The following MDGA2 variants were observed in gnomAD, a reference collection of about 807,000 sequenced individuals.
MDGA2 encodes MAM domain containing glycosylphosphatidylinositol anchor 2.
In MDGA2, 40 loss-of-function variants were observed where a neutral mutation model predicts 117.8. That is an observed-to-expected ratio of 0.34 (90% confidence interval 0.26 to 0.44). MDGA2 has a LOEUF of 0.44. Ranked by LOEUF, MDGA2 falls within the 20% of genes least tolerant of loss-of-function variation. The pLI, the probability that MDGA2 is intolerant of heterozygous loss-of-function variation, is 1.00. For missense variants in MDGA2, 1,123 were observed against 1,250.6 expected (o/e 0.90, Z 1.54); for synonymous variants, 452 against 439.0 (o/e 1.03, Z -0.37).
At chr14:47,041,315 T>C (rs1889059554) in intron 7 of MDGA2, among the ~76,000 whole-genome samples, 2 of 152,104 alleles carry the variant, frequency 1.3e-5, no homozygotes, top group African/African-American at 4.8e-5. Flanking sequence ...AATTTAATTT[T>C]ATCATTTGGT....
intron 1 of MDGA2, among the ~76,000 whole-genome samples, chr14:47,601,478 A>T (rs1896647144): frequency 6.6e-6 from 1 of 152,184 alleles, no homozygotes; most frequent in Non-Finnish European, 1.5e-5. Flanking sequence ...AGTTTAAGGT[A>T]TGACCCTTAA....
chr14:47,553,390 C>T (rs1566511764), intron 1 of MDGA2, among the ~76,000 whole-genome samples: 1 of 152,166 alleles, frequency 6.6e-6, no homozygotes, highest in Non-Finnish European at 1.5e-5. Context: ...CTTGGAACTC[C>T]TTCTAGGCAT....
At chr14:46,903,432 C>G (rs1181660358) in intron 10 of MDGA2, among the ~76,000 whole-genome samples, 2 of 152,080 alleles carry the variant, frequency 1.3e-5, no homozygotes, top group Non-Finnish European at 1.5e-5. Context: ...TATACCTTGA[C>G]TTTTTATTAC....
intron 8 of MDGA2, among the ~76,000 whole-genome samples, chr14:46,985,560 A>G (rs1355571248): frequency 1.3e-5 from 2 of 152,098 alleles, no homozygotes; most frequent in Non-Finnish European, 2.9e-5. Context: ...TGTGCTGTCA[A>G]AAAGATATTA....
In MDGA2 at chr14:47,027,624, A is replaced by AT. The variant is rs1490795672; in HGVS notation, c.1819+7386dup. On this transcript the variant is annotated intron_variant, in intron 8 of 16. Transcript: ENST00000399232. ...CAATTGCTCTATCTGAAGATATTAT[A>AT]TATTATATATATATATATATGCAAT... 2.1e-3 allele frequency among the ~76,000 whole-genome samples: 149 copies of AT among 69,902 alleles called. 1 individual carries two copies. Among genetic ancestry groups the AT allele is most frequent in the Non-Finnish European group, 4.5e-3 (128 of 28,456 alleles). 45.9% of individuals were successfully genotyped at this position (69,902 alleles called of 152,430 possible).
At chr14:47,642,349 A>C (rs1897443113) in intron 1 of MDGA2, among the ~76,000 whole-genome samples, 1 of 152,136 alleles carries the variant, frequency 6.6e-6, no homozygotes, top group Non-Finnish European at 1.5e-5. Flanking sequence ...ATAACTCTTT[A>C]TGCTGAACAA....
chr14:47,035,500 T>A (rs181969316), intron 7 of MDGA2, among the ~76,000 whole-genome samples, 196 bp from the exon 8 acceptor site: 1 of 152,304 alleles, frequency 6.6e-6, no homozygotes, highest in East Asian at 1.9e-4. Flanking sequence ...TATTTTAAAA[T>A]GAGGACTTCA....
intron 14 of MDGA2, chr14:46,871,620 A>C (rs1882001904): frequency 6.5e-6 from 1 of 153,216 alleles, no homozygotes; most frequent in Non-Finnish European, 1.5e-5. Flanking sequence ...TTTCAGATTC[A>C]AAGTAACCTA....
chr14:46,863,743 C>T (rs1291820428), intron 14 of MDGA2, among the ~76,000 whole-genome samples: 3 of 152,046 alleles, frequency 2.0e-5, no homozygotes, highest in African/African-American at 7.3e-5. Flanking sequence ...TTATTACATA[C>T]ATTGTCTAAG....
At chr14:47,510,512 C>T (rs971850533) in intron 1 of MDGA2, among the ~76,000 whole-genome samples, 1 of 152,100 alleles carries the variant, frequency 6.6e-6, no homozygotes. Context: ...GAGAGTTCTG[C>T]CTAATTTTAT....
intron 1 of MDGA2, chr14:47,343,237 G>T: frequency 8.7e-7 from 1 of 1,143,472 alleles, no homozygotes; most frequent in South Asian, 1.8e-5. Context: ...GTTTTTTTCA[G>T]GAACGATTAT....
intron 1 of MDGA2, among the ~76,000 whole-genome samples, chr14:47,497,335 C>A (rs549157110): frequency 6.6e-6 from 1 of 152,306 alleles, no homozygotes; most frequent in South Asian, 2.1e-4. Context: ...CGGCTCACTG[C>A]AACCACCATC....
chr14:47,048,959 T>C (rs1889358710), intron 7 of MDGA2, among the ~76,000 whole-genome samples: 1 of 152,060 alleles, frequency 6.6e-6, no homozygotes, highest in Admixed American at 6.6e-5. Context: ...TATAATGTGA[T>C]TGATTGGAAT....
chr14:47,126,469 C>T (rs995935283), intron 5 of MDGA2, among the ~76,000 whole-genome samples: 1 of 151,968 alleles, frequency 6.6e-6, no homozygotes, highest in Admixed American at 6.6e-5. Context: ...GCATGCCAAA[C>T]AAGAAATGGG....
chr14:47,178,185 G>A (rs1594699444), intron 3 of MDGA2, among the ~76,000 whole-genome samples: 5 of 152,192 alleles, frequency 3.3e-5, no homozygotes, highest in Admixed American at 3.3e-4. Flanking sequence ...ATTTGAAAAG[G>A]ACCATGGTGT....
intron 2 of MDGA2, among the ~76,000 whole-genome samples, chr14:47,281,383 A>C (rs958645737): frequency 2.0e-5 from 3 of 152,152 alleles, no homozygotes; most frequent in African/African-American, 7.2e-5. Context: ...GCCAATTAAT[A>C]CATTTCTCTA....
chr14:47,360,189 T>C (rs1008860219), intron 1 of MDGA2, among the ~76,000 whole-genome samples: 1 of 151,618 alleles, frequency 6.6e-6, no homozygotes, highest in African/African-American at 2.4e-5. Context: ...CCATCTCTAC[T>C]AAAAATACAA....
intron 6 of MDGA2, among the ~76,000 whole-genome samples, chr14:47,087,800 T>TA (rs1491439831): frequency 0.021 from 1,014 of 47,466 alleles, 12 homozygotes; most frequent in African/African-American, 0.046. Context: ...CTGTAGGGTA[T>TA]CAAAAAAAAA....
intron 1 of MDGA2, among the ~76,000 whole-genome samples, chr14:47,450,953 C>T (rs1436265858): frequency 6.6e-6 from 1 of 152,114 alleles, no homozygotes; most frequent in Non-Finnish European, 1.5e-5. Flanking sequence ...CTCTCAACTT[C>T]TTCTATTCTC....
Sources: allele counts gnomAD v4.1 joint callset (sites outside exome capture counted in the v4.1 genomes callset), GRCh38; gene constraint gnomAD v4.1.1; transcripts MANE v1.5; gene names NCBI Gene and HGNC (gene_info 2026-07-23, HGNC 2026-07-21).